The following SGK1 variants were observed in gnomAD, a reference collection of about 807,000 sequenced individuals.
SGK1 encodes serum/glucocorticoid regulated kinase 1.
A neutral mutation model predicts 64.2 loss-of-function variants in SGK1; 26 were observed. The ratio of observed to expected loss-of-function variants is 0.40; its 90% confidence interval spans 0.30 to 0.56. The LOEUF (loss-of-function observed/expected upper bound fraction) is 0.56. Ranked by LOEUF, SGK1 falls within the 20% of genes least tolerant of loss-of-function variation. SGK1 has a pLI of 0.38. For synonymous variants in SGK1, 265 were observed against 239.7 expected (o/e 1.11, Z -0.98); for missense variants, 519 against 645.6 (o/e 0.80, Z 2.12).
At chr6:134,313,188 C>A (rs997580639) in intron 1 of SGK1, among the ~76,000 whole-genome samples, 26 of 152,082 alleles carry the variant, frequency 1.7e-4, no homozygotes, top group African/African-American at 6.0e-4. Context: ...AAGAATAATG[C>A]AAGGAATTGT....
chr6:134,247,668 G>A (rs988435630), intron 2 of SGK1, among the ~76,000 whole-genome samples: 1 of 152,168 alleles, frequency 6.6e-6, no homozygotes, highest in Non-Finnish European at 1.5e-5. Context: ...GAAAGCAGGT[G>A]CTAGATTGAT....
chr6:134,242,481 G>A lies in SGK1; in HGVS notation c.285+19452C>T, dbSNP rs573939088. Among the ~76,000 whole-genome samples the A allele has an allele frequency of 4.7e-4, 70 of 150,000 alleles. 1 individual carries two copies. The highest frequency in any genetic ancestry group is 7.8e-4 in the Non-Finnish European group (53 of 67,680). ...AGCTTGGGCAACAGAGTGAGACTCC[G>A]TCTCAAAAAAAAAAAAGAATTAGGA... On this transcript the variant is annotated intron_variant, in intron 2 of 13. Coordinates refer to ENST00000367858, the MANE Select transcript of SGK1 (RefSeq NM_001143676.3).
intron 1 of SGK1, among the ~76,000 whole-genome samples, chr6:134,302,775 G>T (rs1777477112): frequency 1.3e-5 from 2 of 151,814 alleles, no homozygotes; most frequent in South Asian, 4.2e-4. Flanking sequence ...ATTATTTTGA[G>T]ACAGAGTCTC....
chr6:134,242,102 C>T (rs570571009), intron 2 of SGK1, among the ~76,000 whole-genome samples: 1 of 152,236 alleles, frequency 6.6e-6, no homozygotes, highest in Admixed American at 6.5e-5. Flanking sequence ...GTTAAAACTG[C>T]ATGAAGGGAT....
chr6:134,187,834 A>G (rs1345205085), intron 3 of SGK1, among the ~76,000 whole-genome samples: 1 of 152,246 alleles, frequency 6.6e-6, no homozygotes, highest in Admixed American at 6.5e-5. Context: ...TGTCTACTGC[A>G]GTAAGGACAA....
chr6:134,177,659 G>A (rs753297207), intron 3 of SGK1: 1 of 1,613,166 alleles, frequency 6.2e-7, no homozygotes, highest in Admixed American at 1.7e-5. Context: ...CGGTAAGTAC[G>A]AACCTTTCAA....
At chr6:134,171,961 G>T (rs1775042510) in intron 10 of SGK1, 2 of 646,520 alleles carry the variant, frequency 3.1e-6, no homozygotes, top group Admixed American at 6.0e-5. Context: ...TAGGGATTTA[G>T]AAAGTTTTTA....
At chr6:134,238,033 TTC>T (rs1398225184) in intron 2 of SGK1, among the ~76,000 whole-genome samples, 2 of 152,344 alleles carry the variant, frequency 1.3e-5, no homozygotes, top group Non-Finnish European at 2.9e-5. Context: ...GACTTAATAA[TTC>T]TTTTTTTAGA....
At chr6:134,190,076 C>T (rs920224077) in intron 3 of SGK1, among the ~76,000 whole-genome samples, 1 of 152,200 alleles carries the variant, frequency 6.6e-6, no homozygotes, top group Admixed American at 6.5e-5. Context: ...TCTTAAACTC[C>T]TGACCTCAAG....
chr6:134,309,087 C>T (rs1777575328), intron 1 of SGK1, among the ~76,000 whole-genome samples: 2 of 152,282 alleles, frequency 1.3e-5, no homozygotes, highest in Admixed American at 6.5e-5. Flanking sequence ...GAATTCTTCT[C>T]CGAAAAACGT....
intron 2 of SGK1, among the ~76,000 whole-genome samples, chr6:134,252,616 CAAA>C (rs11418007): frequency 1.4e-4 from 9 of 65,986 alleles, no homozygotes; most frequent in Admixed American, 3.0e-4. Context: ...GATTCCACCT[CAAA>C]AAAAAAAAAA....
rs55653141 is a variant in SGK1 at position 134,185,555 on chromosome 6, A to AGTGTGTGTGTGTGTGT, written c.362-10985_362-10970dup. Among the ~76,000 whole-genome samples the AGTGTGTGTGTGTGTGT allele has an allele frequency of 1.9e-3, 270 of 145,414 alleles. 1 individual carries two copies. The highest frequency in any genetic ancestry group is 6.9e-3 in the Middle Eastern group (2 of 288). Reference sequence around the variant, plus strand: ...GAAACTACACTTTCATATCTCTATGAGTGTGTGTGTGTGTGTGTGTGTGTG... The same window carrying AGTGTGTGTGTGTGTGT: ...GAAACTACACTTTCATATCTCTATGAGTGTGTGTGTGTGTGTGTGTGTGTGTGTGTGTGTGTGTGTG... On this transcript the variant is annotated intron_variant, in intron 3 of 13. Coordinates refer to ENST00000367858, the MANE Select transcript of SGK1 (RefSeq NM_001143676.3).
At chr6:134,237,191 A>G (rs1381673297) in intron 2 of SGK1, among the ~76,000 whole-genome samples, 8 of 151,566 alleles carry the variant, frequency 5.3e-5, no homozygotes, top group Non-Finnish European at 1.2e-4. Context: ...AACAGCTAGG[A>G]CTGCTGGCAC....
intron 3 of SGK1, among the ~76,000 whole-genome samples, chr6:134,177,151 T>G (rs866465014): frequency 3.6e-4 from 54 of 151,418 alleles, no homozygotes; most frequent in Admixed American, 3.9e-4. Context: ...GAGGCGGAGG[T>G]TGCAGTGAGC....
At chr6:134,222,170 G>A (rs1776099924) in intron 2 of SGK1, among the ~76,000 whole-genome samples, 1 of 152,066 alleles carries the variant, frequency 6.6e-6, no homozygotes, top group Non-Finnish European at 1.5e-5. Flanking sequence ...AGAGTAGGGG[G>A]TGCCTCTTTA....
chr6:134,290,750 A>G (rs753499378), intron 1 of SGK1, among the ~76,000 whole-genome samples: 3 of 152,288 alleles, frequency 2.0e-5, no homozygotes, highest in Non-Finnish European at 4.4e-5. Flanking sequence ...TGCTGTTCAA[A>G]CATATTCCCT....
chr6:134,258,075 A>G (rs1342048025), intron 2 of SGK1, among the ~76,000 whole-genome samples: 1 of 151,948 alleles, frequency 6.6e-6, no homozygotes, highest in African/African-American at 2.4e-5. Context: ...ATCATTTCAT[A>G]ATTTCATCCC....
intron 1 of SGK1, among the ~76,000 whole-genome samples, chr6:134,308,644 C>T (rs1025830204): frequency 6.6e-6 from 1 of 152,042 alleles, no homozygotes; most frequent in African/African-American, 2.4e-5. Flanking sequence ...GCAACCTCCA[C>T]CCCCCGGGTT....
intron 1 of SGK1, among the ~76,000 whole-genome samples, chr6:134,285,322 CA>C: frequency 6.6e-6 from 1 of 151,932 alleles, no homozygotes; most frequent in Non-Finnish European, 1.5e-5. Flanking sequence ...ACTAAAAATA[CA>C]AAAAATTAGC....
Sources: gnomAD v4.1 joint callset for allele counts (sites outside exome capture counted in the v4.1 genomes callset) on GRCh38, gnomAD v4.1.1 for gene constraint, MANE v1.5 for transcripts, NCBI Gene and HGNC (gene_info 2026-07-23, HGNC 2026-07-21) for gene names.